The following RNF180 variants were observed in gnomAD, a reference collection of about 807,000 sequenced individuals.
RNF180 encodes the protein ring finger protein 180.
A neutral mutation model predicts 59.2 loss-of-function variants in RNF180; 38 were observed. That is an observed-to-expected ratio of 0.64 (90% confidence interval 0.50 to 0.84). The LOEUF is 0.84. Ranked by LOEUF, RNF180 falls within the 40% of genes least tolerant of loss-of-function variation. The pLI is 0.00. For synonymous variants in RNF180, 262 were observed against 240.3 expected (o/e 1.09, Z -0.84); for missense variants, 705 against 700.9 (o/e 1.01, Z -0.07).
rs141688512 is a variant in RNF180, at chr5:64,344,189, T to C, written c.1579+13783T>C. ...GGTTAAGAAAAACAAGAACCAATTA[T>C]ATGTTGTTTATAAGAGATGGCATTT... On this transcript the variant is annotated intron_variant, in intron 7 of 7. Coordinates refer to ENST00000389100, the MANE Select transcript of RNF180 (RefSeq NM_001113561.2). Among the ~76,000 whole-genome samples the C allele has an allele frequency of 3.3e-5, 5 of 152,166 alleles. No homozygotes were observed. In the East Asian group the frequency reaches 5.8e-4, roughly 18 times the overall value.
At chr5:64,216,512 G>T (rs1219620255) in intron 4 of RNF180, among the ~76,000 whole-genome samples, 2 of 152,206 alleles carry the variant, frequency 1.3e-5, no homozygotes, top group South Asian at 4.2e-4. Flanking sequence ...ATTAATGATA[G>T]TTTTTTAAAA....
rs73097076 is a variant in RNF180 at position 64,240,810 on chromosome 5, T to C, written c.1227+23414T>C. On this transcript the variant is annotated intron_variant, in intron 5 of 7. Coordinates refer to ENST00000389100, the MANE Select transcript of RNF180 (RefSeq NM_001113561.2). ...CATCTCTACTCAAATGTCACTTCCT[T>C]AGAAAGACCCTTATTAGACTACCCT... Among the ~76,000 whole-genome samples, 754 of 152,352 alleles carry C rather than the reference T, an allele frequency of 4.9e-3. 10 individuals are homozygous for C. Among genetic ancestry groups the C allele is most frequent in the African/African-American group, 0.017 (706 of 41,582 alleles).
intron 5 of RNF180, among the ~76,000 whole-genome samples, chr5:64,234,972 T>C (rs1167600872): frequency 1.3e-5 from 2 of 152,138 alleles, no homozygotes; most frequent in African/African-American, 4.8e-5. Flanking sequence ...TATGCCATAA[T>C]GTTAAGCAAA....
chr5:64,241,959 T>G (rs1415103944), intron 5 of RNF180, among the ~76,000 whole-genome samples: 1 of 152,106 alleles, frequency 6.6e-6, no homozygotes, highest in Non-Finnish European at 1.5e-5. Context: ...CACTGACAGA[T>G]CCTCTAAAAC....
chr5:64,181,193 T>G (rs537269333), intron 1 of RNF180, among the ~76,000 whole-genome samples: 10 of 152,292 alleles, frequency 6.6e-5, no homozygotes, highest in Middle Eastern at 3.4e-3. Flanking sequence ...GCCACCCAAA[T>G]TAAGGGTGAG....
At chr5:64,322,395 G>T (rs1744403761) in intron 5 of RNF180, among the ~76,000 whole-genome samples, 2 of 151,964 alleles carry the variant, frequency 1.3e-5, no homozygotes, top group Admixed American at 1.3e-4. Context: ...ATGAAAAAAA[G>T]CTCAACATCA....
At chr5:64,192,904 T>TATAC (rs1751244589) in intron 1 of RNF180, among the ~76,000 whole-genome samples, 1 of 4,160 alleles carries the variant, frequency 2.4e-4, no homozygotes, top group South Asian at 4.9e-3. Flanking sequence ...GTGTGGCATG[T>TATAC]ATATATATAT....
At position 64,317,599 on chromosome 5, in the gene RNF180, CACACACACACACACACACATATAT is replaced by C. The variant is rs1451609898; in HGVS notation, c.1228-7567_1228-7544del. On this transcript the variant is annotated intron_variant, in intron 5 of 7. Coordinates refer to ENST00000389100, the MANE Select transcript of RNF180 (RefSeq NM_001113561.2). ...ATACACATATATATACATATTTATA[CACACACACACACACACACATATAT>C]ACACACACACACACACACACACACA... Among the ~76,000 whole-genome samples, 55 of 135,994 alleles carry C rather than the reference CACACACACACACACACACATATAT, an allele frequency of 4.0e-4. No individual in the cohort carries two copies. In the East Asian group the frequency reaches 0.01, roughly 26 times the overall value. The allele number at this position is 135,994 out of a possible 152,430, so 89.2% of individuals were successfully genotyped here.
chr5:64,200,762 T>G, intron 1 of RNF180, 46 bp from the exon 2 acceptor site: 1 of 1,557,538 alleles, frequency 6.4e-7, no homozygotes, highest in Middle Eastern at 2.0e-4. Context: ...AAAGTCCAGT[T>G]TATCTGACAG....
chr5:64,253,778 C>A lies in RNF180; in HGVS notation c.1227+36382C>A, dbSNP rs1561219614. ...AATAAGTGGAGTTCCTTCATTATAA[C>A]CCCAAGGTCACCTATAAAAGCTCTG... is the stretch of plus-strand genomic sequence containing the variant. On this transcript the variant is annotated intron_variant, in intron 5 of 7. Coordinates refer to ENST00000389100, the MANE Select transcript of RNF180 (RefSeq NM_001113561.2). Among the ~76,000 whole-genome samples the A allele has an allele frequency of 2.6e-5, 4 of 152,134 alleles. No homozygotes were observed. The East Asian group carries it at 5.8e-4, about 22-fold the overall frequency.
At chr5:64,290,473 A>G (rs562514099) in intron 5 of RNF180, among the ~76,000 whole-genome samples, 7 of 152,062 alleles carry the variant, frequency 4.6e-5, no homozygotes, top group Non-Finnish European at 4.4e-5. Context: ...ATTGTCAGTG[A>G]GGTGTTAAAG....
intron 1 of RNF180, among the ~76,000 whole-genome samples, chr5:64,185,538 A>G (rs1750827401): frequency 6.6e-6 from 1 of 152,140 alleles, no homozygotes. Context: ...TTTTTTTCCC[A>G]TGTAATTCAA....
Position 64,224,217 on chromosome 5 carries a change from A to G in RNF180, c.1227+6821A>G, listed in dbSNP as rs975214054. On this transcript the variant is annotated intron_variant, in intron 5 of 7. Transcript: ENST00000389100. ...ACTTGAGTTGATAGAGTCCTTGACA[A>G]AGGATTTATTAACAGCAGCAAAGAA... Among the ~76,000 whole-genome samples the G allele has an allele frequency of 2.6e-5, 4 of 152,242 alleles. No homozygotes were observed. In the East Asian group the frequency reaches 7.7e-4, roughly 29 times the overall value.
chr5:64,199,298 G>A (rs1177545438), intron 1 of RNF180, among the ~76,000 whole-genome samples: 1 of 152,134 alleles, frequency 6.6e-6, no homozygotes, highest in Non-Finnish European at 1.5e-5. Flanking sequence ...TACCTTTAAA[G>A]TTGATTACTG....
At chr5:64,205,940 C>T (rs1241276865) in intron 2 of RNF180, among the ~76,000 whole-genome samples, 2 of 151,768 alleles carry the variant, frequency 1.3e-5, no homozygotes, top group East Asian at 3.9e-4. Flanking sequence ...AATTAGGATA[C>T]AATATTATGG....
intron 3 of RNF180, 28 bp downstream of exon 3, chr5:64,212,188 A>G (rs1415702359): frequency 1.6e-6 from 2 of 1,251,510 alleles, no homozygotes; most frequent in African/African-American, 3.0e-5. Context: ...GAGTAAAATT[A>G]AGAATATACA....
chr5:64,179,256 A>T (rs1166207736), intron 1 of RNF180, among the ~76,000 whole-genome samples: 1 of 152,190 alleles, frequency 6.6e-6, no homozygotes, highest in East Asian at 1.9e-4. Context: ...AGAATAATAT[A>T]CTGAACATCT....
intron 5 of RNF180, among the ~76,000 whole-genome samples, chr5:64,296,195 A>T (rs1419080978): frequency 1.3e-5 from 2 of 152,106 alleles, no homozygotes; most frequent in African/African-American, 4.8e-5. Context: ...GAAATTTCTA[A>T]AGTATGACTA....
chr5:64,217,969 T>G (rs1752726856), intron 5 of RNF180, among the ~76,000 whole-genome samples: 1 of 152,058 alleles, frequency 6.6e-6, no homozygotes, highest in Non-Finnish European at 1.5e-5. Context: ...TACTCACTTT[T>G]TAATTGGGTT....
Sources: gnomAD v4.1 joint callset for allele counts (sites outside exome capture counted in the v4.1 genomes callset) on GRCh38, gnomAD v4.1.1 for gene constraint, MANE v1.5 for transcripts, NCBI Gene and HGNC (gene_info 2026-07-23, HGNC 2026-07-21) for gene names.